The following TSHZ2 variants were observed in gnomAD, a reference collection of about 807,000 sequenced individuals.
The protein encoded by TSHZ2 is teashirt zinc finger homeobox 2, also known as teashirt homolog 2.
Under a neutral mutation model 74.4 loss-of-function variants are expected in TSHZ2, and 21 were observed. The observed-to-expected ratio is 0.28, with a 90% CI of 0.20 to 0.41. The LOEUF is 0.41. Ranked by LOEUF, TSHZ2 falls within the 10% of genes least tolerant of loss-of-function variation. The pLI, the probability that TSHZ2 is intolerant of heterozygous loss-of-function variation, is 1.00. For synonymous variants in TSHZ2, 540 were observed against 515.3 expected, an observed-to-expected ratio of 1.05 and a Z score of -0.65; for missense variants, 1,244 against 1,293.5, an observed-to-expected ratio of 0.96 and a Z score of 0.59.
intron 1 of TSHZ2, among the ~76,000 whole-genome samples, chr20:52,988,773 C>T (rs1243969010): frequency 3.9e-5 from 6 of 152,130 alleles, no homozygotes; most frequent in African/African-American, 4.8e-5. Flanking sequence ...AAACCCCCAA[C>T]ACAGTCCATC....
intron 1 of TSHZ2, among the ~76,000 whole-genome samples, chr20:53,168,146 C>T (rs1988105374): frequency 6.6e-6 from 1 of 152,184 alleles, no homozygotes; most frequent in Non-Finnish European, 1.5e-5. Context: ...AGTGCACTCT[C>T]AATTTGATTT....
chr20:53,468,688 C>CAAAAAAAAAAAAAAAA (rs1158529552), intron 2 of TSHZ2, among the ~76,000 whole-genome samples: 1 of 65,400 alleles, frequency 1.5e-5, no homozygotes, highest in African/African-American at 5.2e-5. Context: ...CATTACGAGA[C>CAAAAAAAAAAAAAAAA]AAAAAAAAAA....
chr20:53,074,611 G>A lies in TSHZ2; in HGVS notation c.40+101278G>A, dbSNP rs1163475192. On this transcript the variant is annotated intron_variant, in intron 1 of 2. Transcript: ENST00000371497. This position sits in a 1 kb window ranked among gnomAD's most constrained non-coding sequence, Gnocchi z 5.9. ...AAGGAAAGAAAATAGTGATTGCTATGTCTGAGTTTCAGGGACTCATAATAA... is the reference window on the plus strand; with the variant it reads ...AAGGAAAGAAAATAGTGATTGCTATATCTGAGTTTCAGGGACTCATAATAA... Among the ~76,000 whole-genome samples, 1 of 152,204 alleles carries A rather than the reference G, an allele frequency of 6.6e-6. No homozygotes were observed. Among genetic ancestry groups the A allele is most frequent in the Admixed American group, 6.5e-5 (1 of 15,276 alleles).
rs767033518 is a variant in TSHZ2 at position 53,256,460 on chromosome 20, G to A, written c.3002G>A (p.Arg1001Gln). ...DSKFKCKLCC[R>Q]TFVSKHAVKL... ...AAATTCAAGTGTAAGTTGTGCTGTC[G>A]GACATTTGTGAGCAAACATGCGGTA... The change falls in exon 2 of 3, where the codon CGG (arginine) becomes CAG (glutamine). Residue 1001 changes from arginine to glutamine, a missense_variant. Physicochemically the swap from Arg to Gln is conservative, Grantham distance 43. This residue lies in a region of TSHZ2 where 185 missense variants were observed against 213.3 expected (regional missense o/e 0.87). Coordinates refer to ENST00000371497, the MANE Select transcript of TSHZ2 (RefSeq NM_173485.6). This position sits in a 1 kb window ranked among gnomAD's most constrained non-coding sequence, Gnocchi z 4.3. 3.3e-5 allele frequency: 54 copies of A among 1,613,910 alleles called. No individual in the cohort carries two copies. Among genetic ancestry groups the A allele is most frequent in the Admixed American group, 2.0e-4 (12 of 59,994 alleles).
intron 2 of TSHZ2, among the ~76,000 whole-genome samples, chr20:53,459,156 G>A (rs1415347810): frequency 6.6e-6 from 1 of 152,126 alleles, no homozygotes; most frequent in Non-Finnish European, 1.5e-5. Context: ...TGACAGTGGG[G>A]TGTTAAAGAC....
intron 2 of TSHZ2, among the ~76,000 whole-genome samples, chr20:53,308,209 A>G (rs1428921310): frequency 1.3e-5 from 2 of 152,198 alleles, no homozygotes; most frequent in African/African-American, 4.8e-5. Flanking sequence ...AGGTTCCTCA[A>G]GTTTCTCTGA....
intron 1 of TSHZ2, among the ~76,000 whole-genome samples, chr20:53,119,108 C>T (rs73911312): frequency 0.078 from 11,801 of 152,178 alleles, 1,057 homozygotes; most frequent in African/African-American, 0.22. Flanking sequence ...CAGGCCTCAC[C>T]TCCAACACTG....
intron 1 of TSHZ2, among the ~76,000 whole-genome samples, chr20:53,015,602 A>G (rs1043364329): frequency 2.6e-5 from 4 of 152,186 alleles, no homozygotes; most frequent in Non-Finnish European, 5.9e-5. Context: ...CTGGCACAGC[A>G]CATTCCTTTA....
intron 2 of TSHZ2, among the ~76,000 whole-genome samples, chr20:53,378,386 C>T (rs6068531): frequency 0.16 from 23,388 of 148,198 alleles, 2,330 homozygotes; most frequent in South Asian, 0.35. Context: ...ATAATAGAAC[C>T]TAATGCAGAG....
intron 1 of TSHZ2, among the ~76,000 whole-genome samples, chr20:52,994,445 A>AATGAATGG (rs1982104663): frequency 6.6e-6 from 1 of 151,480 alleles, no homozygotes; most frequent in South Asian, 2.1e-4. Context: ...TGAGTGAATG[A>AATGAATGG]ATGGACGGAT....
At chr20:53,208,513 A>T (rs1157658602) in intron 1 of TSHZ2, 1 of 152,162 alleles carries the variant, frequency 6.6e-6, no homozygotes, top group Non-Finnish European at 1.5e-5. Context: ...ACTTGCATCA[A>T]ACCCTCCGAG....
intron 2 of TSHZ2, among the ~76,000 whole-genome samples, chr20:53,342,950 C>CTTTTTTTT (rs1980269794): frequency 1.3e-5 from 1 of 78,888 alleles, no homozygotes; most frequent in South Asian, 4.1e-4. Context: ...CTTTTCTTTT[C>CTTTTTTTT]TTTTCTTTTT....
intron 2 of TSHZ2, chr20:53,400,250 T>A (rs544241719): frequency 6.6e-6 from 1 of 152,286 alleles, no homozygotes; most frequent in Non-Finnish European, 1.5e-5. Context: ...GATGTCATTT[T>A]ATTTTTCTTT....
intron 1 of TSHZ2, among the ~76,000 whole-genome samples, chr20:53,050,199 A>G (rs568976695): frequency 1.8e-4 from 27 of 146,732 alleles, no homozygotes; most frequent in Non-Finnish European, 8.9e-5. Context: ...ATATATATAT[A>G]TGTATGTATA....
In TSHZ2 at chr20:53,128,051, G is replaced by A. The variant is rs890589387; in HGVS notation, c.41-125448G>A. Among the ~76,000 whole-genome samples, 6 of 152,026 alleles carry A rather than the reference G, an allele frequency of 3.9e-5. No individual in the cohort carries two copies. In the East Asian group the frequency reaches 9.6e-4, roughly 24 times the overall value. The stretch of plus-strand genomic sequence containing the variant: ...TTTGGCTGGTCACTTGGCTTTAATC[G>A]TAAAACTTGTTGTAATCCAGATAGT... On this transcript the variant is annotated intron_variant, in intron 1 of 2. Coordinates refer to ENST00000371497, the MANE Select transcript of TSHZ2 (RefSeq NM_173485.6).
chr20:53,104,090 T>A (rs561403416), intron 1 of TSHZ2, among the ~76,000 whole-genome samples: 1 of 152,282 alleles, frequency 6.6e-6, no homozygotes, highest in Non-Finnish European at 1.5e-5. Flanking sequence ...GAAATGGACA[T>A]CTGAGTTCTA....
intron 1 of TSHZ2, among the ~76,000 whole-genome samples, chr20:53,008,567 T>C (rs1035821362): frequency 6.6e-6 from 1 of 152,130 alleles, no homozygotes; most frequent in African/African-American, 2.4e-5. Context: ...CTTTTTTTTT[T>C]TTTTACGGGA....
chr20:53,300,754 A>C (rs1007697019), intron 2 of TSHZ2, among the ~76,000 whole-genome samples: 1 of 152,178 alleles, frequency 6.6e-6, no homozygotes, highest in Admixed American at 6.5e-5. Flanking sequence ...GTTTCTGAGA[A>C]TCTAACTGCT....
intron 1 of TSHZ2, among the ~76,000 whole-genome samples, chr20:53,127,812 G>A (rs749530985): frequency 9.2e-5 from 14 of 152,160 alleles, no homozygotes; most frequent in African/African-American, 2.9e-4. Context: ...ACTTGCTCAC[G>A]GTCAGAGGGC....
Sources: gnomAD v4.1 joint callset for allele counts (sites outside exome capture counted in the v4.1 genomes callset) on GRCh38, gnomAD v4.1.1 for gene constraint, gnomAD v4.1.1 regional missense constraint, Gnocchi (gnomAD v3.1) non-coding constraint, MANE v1.5 for transcripts, NCBI Gene and HGNC (gene_info 2026-07-23, HGNC 2026-07-21) for gene names.